PDE4D: variants seen among roughly 807,000 people sequenced by gnomAD.
PDE4D encodes the protein 3',5'-cyclic-AMP phosphodiesterase 4D.
A neutral mutation model predicts 87.4 loss-of-function variants in PDE4D; 24 were observed. That is an observed-to-expected ratio of 0.27 (90% CI 0.20 to 0.39). PDE4D has a LOEUF of 0.39. Ranked by LOEUF, PDE4D falls within the 10% of genes least tolerant of loss-of-function variation. PDE4D has a pLI of 1.00. For synonymous variants in PDE4D, 384 were observed against 383.2 expected (o/e 1.00, Z -0.02); for missense variants, 714 against 1,041.0 (o/e 0.69, Z 4.32).
chr5:60,305,950 T>C (rs1754465812), intron 1 of PDE4D, among the ~76,000 whole-genome samples: 2 of 152,046 alleles, frequency 1.3e-5, no homozygotes, highest in Admixed American at 6.5e-5. Context: ...CCATAAAGCA[T>C]ATGAGTAAAT....
chr5:59,025,951 A>C (rs938572346), intron 6 of PDE4D, among the ~76,000 whole-genome samples: 3 of 152,238 alleles, frequency 2.0e-5, no homozygotes, highest in African/African-American at 7.2e-5. Context: ...GGCTGTCCCT[A>C]TAGGGATTAC....
chr5:60,483,092 G>A (rs1168101487), intron 1 of PDE4D, among the ~76,000 whole-genome samples: 1 of 152,066 alleles, frequency 6.6e-6, no homozygotes, highest in African/African-American at 2.4e-5. Flanking sequence ...TGTCAAATAT[G>A]GTAACTGAAT....
intron 3 of PDE4D, among the ~76,000 whole-genome samples, chr5:59,961,991 A>C (rs1270272704): frequency 1.3e-5 from 2 of 152,222 alleles, no homozygotes; most frequent in Non-Finnish European, 2.9e-5. Flanking sequence ...ATGTTTAAAC[A>C]AGTGAAAAAT....
At chr5:59,842,175 G>A (rs1313846877) in intron 1 of PDE4D, among the ~76,000 whole-genome samples, 3 of 151,998 alleles carry the variant, frequency 2.0e-5, no homozygotes, top group Non-Finnish European at 2.9e-5. Context: ...AGGGAGGTGA[G>A]TTCGGAGGCA....
chr5:60,259,959 G>GA (rs1330967244), intron 1 of PDE4D, among the ~76,000 whole-genome samples: 23 of 148,136 alleles, frequency 1.6e-4, no homozygotes, highest in Non-Finnish European at 2.7e-4. Flanking sequence ...ATTAAAAAGA[G>GA]AAAAAAAAAG....
intron 1 of PDE4D, among the ~76,000 whole-genome samples, chr5:59,765,841 C>G (rs997641913): frequency 2.6e-5 from 4 of 152,192 alleles, no homozygotes. Flanking sequence ...ATTATCTTAG[C>G]TAAAACAGAT....
intron 1 of PDE4D, among the ~76,000 whole-genome samples, chr5:59,749,756 A>T (rs1008984124): frequency 6.6e-6 from 1 of 152,096 alleles, no homozygotes; most frequent in African/African-American, 2.4e-5. Flanking sequence ...TACCACCTAC[A>T]TTTTAATAAC....
At chr5:59,597,983 C>T (rs927997940) in intron 1 of PDE4D, among the ~76,000 whole-genome samples, 12 of 152,062 alleles carry the variant, frequency 7.9e-5, no homozygotes, top group Admixed American at 2.6e-4. Context: ...CTAAAAAAAT[C>T]GCAATAGACT....
At position 60,310,930 on chromosome 5, in the gene PDE4D, C is replaced by T. The variant is rs561030006; in HGVS notation, c.-89-125243G>A. On this transcript the variant is annotated intron_variant, in intron 1 of 16. Transcript: ENST00000502484. Reference sequence around the variant, plus strand: ...CTCCTGTGTTCCCACCAGCATACCTCGTAACATTCCCCATACATAGGAAAT... The same window carrying T: ...CTCCTGTGTTCCCACCAGCATACCTTGTAACATTCCCCATACATAGGAAAT... Among the ~76,000 whole-genome samples the T allele has an allele frequency of 3.5e-4, 53 of 152,236 alleles. No homozygotes were observed. The South Asian group carries it at 0.011, about 30-fold the overall frequency.
chr5:59,876,808 T>C (rs1307856593), intron 1 of PDE4D, among the ~76,000 whole-genome samples: 2 of 152,196 alleles, frequency 1.3e-5, no homozygotes, highest in Admixed American at 1.3e-4. Flanking sequence ...AGTAATATTA[T>C]CTTAGGAAGA....
At chr5:59,671,433 A>T (rs926400635) in intron 1 of PDE4D, among the ~76,000 whole-genome samples, 1 of 152,202 alleles carries the variant, frequency 6.6e-6, no homozygotes, top group Non-Finnish European at 1.5e-5. Flanking sequence ...ATCATATAGG[A>T]GTTAATAAAG....
intron 2 of PDE4D, among the ~76,000 whole-genome samples, chr5:60,044,395 G>A (rs1460716141): frequency 6.6e-6 from 1 of 151,606 alleles, no homozygotes; most frequent in Admixed American, 6.6e-5. Context: ...TTAAGTTTTA[G>A]GGTACATGTG....
intron 1 of PDE4D, among the ~76,000 whole-genome samples, chr5:59,817,742 A>ACCCCCCCCCCC (rs567130519): frequency 4.1e-5 from 5 of 122,238 alleles, no homozygotes; most frequent in Admixed American, 8.9e-5. Context: ...ACACACCCAC[A>ACCCCCCCCCCC]CCCCCCCCCA....
intron 1 of PDE4D, chr5:59,768,526 G>C (rs1334460488): frequency 6.3e-7 from 1 of 1,597,154 alleles, no homozygotes; most frequent in Non-Finnish European, 8.5e-7. Flanking sequence ...GGTCAACTTT[G>C]TACAGCTGGC....
intron 6 of PDE4D, among the ~76,000 whole-genome samples, chr5:59,028,698 A>G (rs919755217): frequency 2.6e-5 from 4 of 152,116 alleles, no homozygotes; most frequent in Non-Finnish European, 5.9e-5. Flanking sequence ...ATGAATTGGA[A>G]TATTTCTGCT....
At chr5:59,153,855 G>C (rs552425970) in intron 5 of PDE4D, among the ~76,000 whole-genome samples, 2 of 152,130 alleles carry the variant, frequency 1.3e-5, no homozygotes, top group African/African-American at 4.8e-5. Flanking sequence ...TGGGAGAAGA[G>C]CCTGACTCGG....
At chr5:60,350,020 A>G (rs1759048236) in intron 1 of PDE4D, among the ~76,000 whole-genome samples, 1 of 152,162 alleles carries the variant, frequency 6.6e-6, no homozygotes, top group African/African-American at 2.4e-5. Flanking sequence ...AAGCCTCCTA[A>G]GTAGGTTACA....
chr5:60,118,631 CAT>C (rs1237633733), intron 2 of PDE4D, among the ~76,000 whole-genome samples: 8 of 148,838 alleles, frequency 5.4e-5, no homozygotes, highest in African/African-American at 1.7e-4. Flanking sequence ...ATAAATAAAA[CAT>C]GTGGGCTCAA....
rs553704558 is a variant in PDE4D at position 59,943,470 on chromosome 5, C to T, written c.272+45018G>A. Reference sequence around the variant, plus strand: ...ACCCACATTTTCTTTATTGAACCACCTTATTAGCTTATTGTTAAGTCTGAG... The same window carrying T: ...ACCCACATTTTCTTTATTGAACCACTTTATTAGCTTATTGTTAAGTCTGAG... On this transcript the variant is annotated intron_variant, in intron 3 of 16. Coordinates refer to the PDE4D transcript ENST00000502484. Among the ~76,000 whole-genome samples, 141 of 152,258 alleles carry T rather than the reference C, an allele frequency of 9.3e-4. 3 individuals carry two copies. The highest frequency in any genetic ancestry group is 3.4e-3 in the Middle Eastern group (1 of 294).
Sources: gnomAD v4.1 joint callset for allele counts (sites outside exome capture counted in the v4.1 genomes callset) on GRCh38, gnomAD v4.1.1 for gene constraint, MANE v1.5 for transcripts, NCBI Gene and HGNC (gene_info 2026-07-23, HGNC 2026-07-21) for gene names.